The following LOC112694756 variants were observed in gnomAD, a reference collection of about 807,000 sequenced individuals.
the LOC112694756 span, chr16:30,068,878 A>G: frequency 6.2e-7 from 1 of 1,614,242 alleles, no homozygotes; most frequent in Non-Finnish European, 8.5e-7. Context: ...GACTTCGCCA[A>G]GTGGCGTTGT....
chr16:30,070,238 A>G, the LOC112694756 span: 7 of 1,610,806 alleles, frequency 4.3e-6, no homozygotes, highest in Non-Finnish European at 5.9e-6. Flanking sequence ...GGCTGCCCCC[A>G]ACACTCCAGG....
the LOC112694756 span, chr16:30,067,657 T>G: frequency 1.2e-6 from 2 of 1,614,112 alleles, no homozygotes; most frequent in Non-Finnish European, 1.7e-6. Context: ...GTTGTGGGCA[T>G]CAAGGTAAGG....
At chr16:30,067,666 G>A in the LOC112694756 span, 1 of 1,614,090 alleles carries the variant, frequency 6.2e-7, no homozygotes. Flanking sequence ...ATCAAGGTAA[G>A]GGGAGGGCCT....
the LOC112694756 span, chr16:30,066,907 C>T: frequency 1.6e-5 from 25 of 1,550,380 alleles, 1 homozygote; most frequent in South Asian, 2.4e-4. Flanking sequence ...CATGGCAAGG[C>T]GCAAGCCAGA....
the LOC112694756 span, among the ~76,000 whole-genome samples, chr16:30,055,666 T>C: frequency 1.3e-5 from 2 of 152,198 alleles, no homozygotes; most frequent in Admixed American, 1.3e-4. Context: ...CCGAATGAAC[T>C]GTGTTCTAGG....
At chr16:30,063,660 C>T in the LOC112694756 span, 7 of 398,882 alleles carry the variant, frequency 1.8e-5, no homozygotes, top group Non-Finnish European at 3.1e-5. Context: ...TCTCTGTTCC[C>T]TTCTCCCCTT....
At chr16:30,065,115 G>A in the LOC112694756 span, among the ~76,000 whole-genome samples, 1 of 152,322 alleles carries the variant, frequency 6.6e-6, no homozygotes, top group Admixed American at 6.5e-5. Flanking sequence ...GACCCAGCCC[G>A]GCCTGCCAGC....
chr16:30,054,798 G>A, the LOC112694756 span: 54 of 398,996 alleles, frequency 1.4e-4, 1 homozygote, highest in Non-Finnish European at 1.3e-4. Flanking sequence ...CCTCTAGCCC[G>A]TGGAATCCAA....
the LOC112694756 span, chr16:30,068,914 C>T: frequency 3.7e-6 from 6 of 1,614,246 alleles, no homozygotes; most frequent in Non-Finnish European, 5.1e-6. Context: ...GAACACACCC[C>T]CTCAGCCCTC....
the LOC112694756 span, among the ~76,000 whole-genome samples, chr16:30,066,580 T>TA: frequency 1.3e-5 from 2 of 152,202 alleles, no homozygotes; most frequent in African/African-American, 4.8e-5. Context: ...CTTGCTCTCT[T>TA]ATATTTTTCC....
chr16:30,068,283 C>T, the LOC112694756 span: 1 of 351,658 alleles, frequency 2.8e-6, no homozygotes, highest in Non-Finnish European at 5.6e-6. Context: ...CCAGGATGGT[C>T]TCGATCTCCT....
At chr16:30,063,860 C>T in the LOC112694756 span, 35 of 399,156 alleles carry the variant, frequency 8.8e-5, no homozygotes, top group Admixed American at 5.3e-4. Flanking sequence ...GGGCCCCTGC[C>T]CTCTGGGGAG....
At chr16:30,067,487 G>GAAC in the LOC112694756 span, 1 of 1,613,318 alleles carries the variant, frequency 6.2e-7, no homozygotes, top group Non-Finnish European at 8.5e-7. Context: ...TTGGCACCGA[G>GAAC]AACACCGAGG....
chr16:30,056,688 C>T, the LOC112694756 span, among the ~76,000 whole-genome samples: 1 of 151,986 alleles, frequency 6.6e-6, no homozygotes, highest in African/African-American at 2.4e-5. Context: ...GCAGCCTCTA[C>T]CTCCTGGACT....
chr16:30,067,005 G>A, the LOC112694756 span: 1 of 1,568,542 alleles, frequency 6.4e-7, no homozygotes, highest in South Asian at 1.2e-5. Flanking sequence ...ACCCTCAGCT[G>A]GGCAACACCC....
chr16:30,069,799 C>T, the LOC112694756 span: 34 of 1,613,394 alleles, frequency 2.1e-5, no homozygotes, highest in Non-Finnish European at 2.5e-5. Flanking sequence ...TCTCTGACCA[C>T]AGCCCCTCTC....
At chr16:30,065,468 C>A in the LOC112694756 span, among the ~76,000 whole-genome samples, 1 of 152,348 alleles carries the variant, frequency 6.6e-6, no homozygotes, top group East Asian at 1.9e-4. Context: ...CCATTGCCAA[C>A]ATTCTGGCTG....
At chr16:30,056,401 T>C in the LOC112694756 span, among the ~76,000 whole-genome samples, 1 of 152,106 alleles carries the variant, frequency 6.6e-6, no homozygotes, top group Non-Finnish European at 1.5e-5. Context: ...TTACAAAAAG[T>C]ATTATTTACA....
the LOC112694756 span, among the ~76,000 whole-genome samples, chr16:30,065,008 C>T: frequency 5.9e-5 from 9 of 152,272 alleles, no homozygotes; most frequent in Non-Finnish European, 8.8e-5. Context: ...AGAGGCCGAG[C>T]AGCGGCCGGT....
Sources: allele counts gnomAD v4.1 joint callset (sites outside exome capture counted in the v4.1 genomes callset), GRCh38; gene constraint gnomAD v4.1.1; transcripts MANE v1.5.